DSCAM: variants seen among roughly 807,000 people sequenced by gnomAD.
The protein encoded by DSCAM is cell adhesion molecule DSCAM.
In DSCAM, 47 loss-of-function variants were observed where a neutral mutation model predicts 217.7. The observed-to-expected ratio is 0.22, with a 90% CI of 0.17 to 0.28. The LOEUF is 0.28. Among genes scored for constraint, DSCAM ranks in the 10% least tolerant of loss-of-function variants. DSCAM has a pLI of 1.00. For missense variants in DSCAM, 2,080 were observed against 2,618.3 expected (o/e 0.79, Z 4.49); for synonymous variants, 1,056 against 1,015.3 (o/e 1.04, Z -0.76).
intron 11 of DSCAM, among the ~76,000 whole-genome samples, chr21:40,260,791 T>A (rs1046257963): frequency 4.6e-5 from 7 of 152,320 alleles, no homozygotes; most frequent in African/African-American, 1.7e-4. Context: ...TAATTAAGTC[T>A]AAACAAAACT....
intron 3 of DSCAM, among the ~76,000 whole-genome samples, chr21:40,375,792 C>G (rs2074944279): frequency 6.6e-6 from 1 of 152,156 alleles, no homozygotes; most frequent in Non-Finnish European, 1.5e-5. Context: ...TGCTTGTATT[C>G]AAAACATCCT....
intron 32 of DSCAM, among the ~76,000 whole-genome samples, chr21:40,022,101 A>G (rs1329230372): frequency 6.6e-6 from 1 of 152,236 alleles, no homozygotes; most frequent in East Asian, 1.9e-4. Flanking sequence ...TTAATCCATC[A>G]TCAAACAATG....
At chr21:40,172,890 G>A (rs2090674757) in intron 15 of DSCAM, among the ~76,000 whole-genome samples, 2 of 152,198 alleles carry the variant, frequency 1.3e-5, no homozygotes, top group Admixed American at 1.3e-4. Flanking sequence ...GGGTGGGTGG[G>A]CGAGAGGCAT....
intron 1 of DSCAM, among the ~76,000 whole-genome samples, chr21:40,814,207 C>T (rs900938649): frequency 2.6e-5 from 4 of 152,178 alleles, no homozygotes; most frequent in East Asian, 1.9e-4. Flanking sequence ...CTGGGATGTG[C>T]CAACTGTGTA....
chr21:40,622,162 T>C (rs1256283329), intron 3 of DSCAM, among the ~76,000 whole-genome samples: 6 of 152,134 alleles, frequency 3.9e-5, no homozygotes, highest in Non-Finnish European at 8.8e-5. Flanking sequence ...AAGCCCACAA[T>C]TATCACCTGC....
chr21:40,315,933 T>G (rs190037912), intron 8 of DSCAM, among the ~76,000 whole-genome samples: 1,748 of 152,274 alleles, frequency 0.011, 44 homozygotes, highest in African/African-American at 0.04. Context: ...AAGTAAATTA[T>G]AAAGAACAGA....
At chr21:40,828,378 T>G (rs569270509) in intron 1 of DSCAM, among the ~76,000 whole-genome samples, 53 of 152,276 alleles carry the variant, frequency 3.5e-4, no homozygotes, top group Non-Finnish European at 6.5e-4. Context: ...GCGAAGGTCA[T>G]GTGTATGGGT....
At position 40,083,977 on chromosome 21, in the gene DSCAM, A is replaced by G; in HGVS notation, c.4162T>C (p.Ser1388Pro). 1 of 1,613,656 alleles carries G rather than the reference A, an allele frequency of 6.2e-7. No homozygotes were observed. The highest frequency in any genetic ancestry group is 8.5e-7 in the Non-Finnish European group (1 of 1,179,852). Reference protein sequence around the residue: ...VPPDQPRLTVSKTTSSSITLS... With the variant: ...VPPDQPRLTVPKTTSSSITLS... Reference sequence around the variant, plus strand: ...GTGATGGAGGAAGACGTGGTCTTGGAGACTGTAAGCCGAGGCTGATCTGGT... The same window carrying G: ...GTGATGGAGGAAGACGTGGTCTTGGGGACTGTAAGCCGAGGCTGATCTGGT... Residue 1388 changes from serine to proline, a missense_variant, in exon 24 of 33, where the codon TCC (serine) becomes CCC (proline). Physicochemically the swap from Ser to Pro is moderately conservative, Grantham distance 74. Transcript: ENST00000400454.
intron 8 of DSCAM, among the ~76,000 whole-genome samples, chr21:40,313,922 A>C (rs1420785128): frequency 6.6e-6 from 1 of 152,232 alleles, no homozygotes; most frequent in African/African-American, 2.4e-5. Flanking sequence ...AGATTTCTAC[A>C]GTTTATTCAA....
At position 40,676,471 on chromosome 21, in the gene DSCAM, C is replaced by T. The variant is rs75220657; in HGVS notation, c.508+16339G>A. Among the ~76,000 whole-genome samples the T allele has an allele frequency of 6.3e-3, 960 of 152,260 alleles. 21 individuals are homozygous for T. In the East Asian group the frequency reaches 0.065, roughly 10 times the overall value. Reference sequence around the variant, plus strand: ...GGATGTTCAGGTTTTCTCTACTTAGCGATGGAATTGTGTCGAATTCAGTAA... The same window carrying T: ...GGATGTTCAGGTTTTCTCTACTTAGTGATGGAATTGTGTCGAATTCAGTAA... On this transcript the variant is annotated intron_variant, in intron 3 of 32. Coordinates refer to ENST00000400454, the MANE Select transcript of DSCAM (RefSeq NM_001389.5).
chr21:40,211,804 C>T lies in DSCAM; in HGVS notation c.2357-22566G>A, dbSNP rs16999501. Among the ~76,000 whole-genome samples the T allele has an allele frequency of 4.4e-3, 670 of 152,318 alleles. 4 individuals are homozygous for T. The highest frequency in any genetic ancestry group is 0.015 in the African/African-American group (622 of 41,572). ...CTCTGCTAATAGGCACTTTTATCCA[C>T]ACCTCATTATTCTCCTCCATCATTG... On this transcript the variant is annotated intron_variant, in intron 11 of 32. Coordinates refer to ENST00000400454, the MANE Select transcript of DSCAM (RefSeq NM_001389.5).
intron 11 of DSCAM, among the ~76,000 whole-genome samples, chr21:40,209,060 G>T (rs1314562513): frequency 2.6e-5 from 4 of 152,230 alleles, no homozygotes; most frequent in Middle Eastern, 3.2e-3. Context: ...TTAATTGTAG[G>T]GGTGAGGTTC....
At chr21:40,441,221 C>A (rs2075627502) in intron 3 of DSCAM, among the ~76,000 whole-genome samples, 1 of 152,108 alleles carries the variant, frequency 6.6e-6, no homozygotes, top group African/African-American at 2.4e-5. Context: ...GAGAGCCGAC[C>A]AAGGAAGACA....
intron 3 of DSCAM, among the ~76,000 whole-genome samples, chr21:40,448,203 A>G (rs2075690431): frequency 6.6e-6 from 1 of 152,216 alleles, no homozygotes; most frequent in South Asian, 2.1e-4. Context: ...TTTTTGGAAG[A>G]AATCAGCATT....
intron 11 of DSCAM, among the ~76,000 whole-genome samples, chr21:40,248,404 A>C (rs558889523): frequency 2.8e-4 from 42 of 152,362 alleles, no homozygotes; most frequent in Non-Finnish European, 1.0e-4. Context: ...TTTGCTGCTT[A>C]GAAATTTCTT....
At chr21:40,619,468 T>C (rs1164507703) in intron 3 of DSCAM, among the ~76,000 whole-genome samples, 1 of 152,180 alleles carries the variant, frequency 6.6e-6, no homozygotes, top group Non-Finnish European at 1.5e-5. Context: ...TGTTACGCAG[T>C]TCATATTTCT....
intron 11 of DSCAM, among the ~76,000 whole-genome samples, chr21:40,199,189 C>G (rs2091045427): frequency 6.6e-6 from 1 of 152,148 alleles, no homozygotes; most frequent in African/African-American, 2.4e-5. Context: ...CAACATCTTC[C>G]CAAGCCACTC....
chr21:40,487,300 C>T (rs1245421218), intron 3 of DSCAM, among the ~76,000 whole-genome samples: 7 of 96,754 alleles, frequency 7.2e-5, no homozygotes, highest in Non-Finnish European at 1.3e-4. Context: ...TGCGTGTGTG[C>T]GTGCGTGTGT....
chr21:40,292,060 AT>A (rs11334007), intron 10 of DSCAM, among the ~76,000 whole-genome samples: 64,315 of 149,450 alleles, frequency 0.43, 15,086 homozygotes, highest in African/African-American at 0.63. Flanking sequence ...TGAAGCCCTG[AT>A]TTTTTTTTTT....
Sources: allele counts gnomAD v4.1 joint callset (sites outside exome capture counted in the v4.1 genomes callset), GRCh38; gene constraint gnomAD v4.1.1; transcripts MANE v1.5; gene names NCBI Gene and HGNC (gene_info 2026-07-23, HGNC 2026-07-21).